Variants in CCDC178 observed in about 807,000 individuals in gnomAD.
The protein encoded by CCDC178 is coiled-coil domain-containing protein 178.
A neutral mutation model predicts 117.4 loss-of-function variants in CCDC178; 126 were observed. The ratio of observed to expected loss-of-function variants is 1.07; its 90% CI spans 0.93 to 1.24. The LOEUF (loss-of-function observed/expected upper bound fraction) is 1.24. CCDC178 is among the 50% of genes most tolerant of loss of function. The probability of loss-of-function intolerance (pLI) is 0.00; values close to 1 mark genes in which losing one functional copy is unlikely to be tolerated. For synonymous variants in CCDC178, 283 were observed against 313.4 expected (o/e 0.90, Z 1.02); for missense variants, 1,030 against 986.9 (o/e 1.04, Z -0.59).
chr18:33,397,630 A>G (rs2063656794), intron 3 of CCDC178, among the ~76,000 whole-genome samples: 1 of 152,182 alleles, frequency 6.6e-6, no homozygotes, highest in Non-Finnish European at 1.5e-5. Flanking sequence ...GTTTATTGAA[A>G]AAATACAATA....
At chr18:33,357,787 C>T (rs1464711193) in intron 6 of CCDC178, among the ~76,000 whole-genome samples, 1 of 151,528 alleles carries the variant, frequency 6.6e-6, no homozygotes, top group Non-Finnish European at 1.5e-5. Context: ...CCATATCCTA[C>T]CAAAATCTGA....
At chr18:32,952,526 C>T (rs114964013) in intron 22 of CCDC178, among the ~76,000 whole-genome samples, 133 of 152,264 alleles carry the variant, frequency 8.7e-4, no homozygotes, top group African/African-American at 3.0e-3. Context: ...TTCTATGTGG[C>T]CACATAGAAC....
chr18:33,267,245 T>C lies in CCDC178; in HGVS notation c.1229A>G (p.His410Arg). 1 of 1,605,468 alleles carries C rather than the reference T, an allele frequency of 6.2e-7. No homozygotes were observed. Among genetic ancestry groups the C allele is most frequent in the South Asian group, 1.1e-5 (1 of 89,254 alleles). The change falls in exon 13 of 23, where the codon CAT becomes CGT. Residue 410 changes from histidine (H) to arginine (R), a missense_variant. By Grantham distance (29) the His-to-Arg change is conservative. Coordinates refer to ENST00000383096, the MANE Select transcript of CCDC178 (RefSeq NM_001105528.4). ...YDQLTWKQKS[H>R]ENQYLEAVND... ...AACTGCTTCCAGATACTGATTTTCA[T>C]GACTTTTTTGCTTCCAGGTTAGTTG...
intron 2 of CCDC178, among the ~76,000 whole-genome samples, chr18:33,425,551 A>C (rs1281354513): frequency 6.6e-6 from 1 of 152,180 alleles, no homozygotes; most frequent in African/African-American, 2.4e-5. Context: ...CACCAAAGAG[A>C]AGCTGACTCT....
intron 20 of CCDC178, among the ~76,000 whole-genome samples, chr18:33,195,474 C>T (rs1478315498): frequency 6.6e-6 from 1 of 152,106 alleles, no homozygotes; most frequent in African/African-American, 2.4e-5. Context: ...CAAAAACAAC[C>T]TACGAACCTT....
At chr18:33,361,366 A>G (rs1024750813) in intron 6 of CCDC178, among the ~76,000 whole-genome samples, 5 of 151,806 alleles carry the variant, frequency 3.3e-5, no homozygotes, top group Non-Finnish European at 7.4e-5. Context: ...CCTAAATTTA[A>G]GATCAGAAGC....
intron 15 of CCDC178, among the ~76,000 whole-genome samples, chr18:33,243,795 G>T (rs1057277256): frequency 6.6e-6 from 1 of 151,792 alleles, no homozygotes; most frequent in African/African-American, 2.4e-5. Context: ...CAAAGGTTTC[G>T]AGTCAATTAG....
chr18:33,414,972 A>G (rs915005674), intron 2 of CCDC178, among the ~76,000 whole-genome samples: 4 of 152,242 alleles, frequency 2.6e-5, no homozygotes, highest in African/African-American at 9.6e-5. Flanking sequence ...ACTGGCCATC[A>G]GAGAAATGCA....
At chr18:33,394,430 A>T (rs1208066879) in intron 4 of CCDC178, among the ~76,000 whole-genome samples, 4 of 152,012 alleles carry the variant, frequency 2.6e-5, no homozygotes, top group Non-Finnish European at 4.4e-5. Flanking sequence ...CTTTGTGTCT[A>T]GTTCCAGTCT....
chr18:33,277,249 A>C (rs1232166863), intron 12 of CCDC178, among the ~76,000 whole-genome samples: 1 of 152,150 alleles, frequency 6.6e-6, no homozygotes, highest in East Asian at 1.9e-4. Flanking sequence ...AAAATTAGTA[A>C]ATTAGTGCAG....
intron 11 of CCDC178, among the ~76,000 whole-genome samples, chr18:33,297,751 G>A (rs1168003949): frequency 6.6e-6 from 1 of 152,034 alleles, no homozygotes; most frequent in African/African-American, 2.4e-5. Context: ...CTTTAAAGAA[G>A]AAACAACTGG....
At chr18:33,189,944 C>T (rs1259349585) in intron 20 of CCDC178, among the ~76,000 whole-genome samples, 8 of 152,120 alleles carry the variant, frequency 5.3e-5, no homozygotes, top group South Asian at 2.1e-4. Flanking sequence ...CAGATAGATA[C>T]GGAGATACCC....
intron 20 of CCDC178, among the ~76,000 whole-genome samples, chr18:33,186,274 G>A (rs1024983474): frequency 1.3e-5 from 2 of 151,924 alleles, no homozygotes; most frequent in African/African-American, 4.8e-5. Flanking sequence ...CCTTACATGA[G>A]TAAAAGAGTG....
intron 6 of CCDC178, among the ~76,000 whole-genome samples, chr18:33,368,993 A>C (rs1401904891): frequency 1.3e-5 from 2 of 151,908 alleles, no homozygotes; most frequent in Non-Finnish European, 2.9e-5. Context: ...AACTCATAGG[A>C]AGTATATAGC....
intron 5 of CCDC178, among the ~76,000 whole-genome samples, chr18:33,374,350 T>A (rs118059366): frequency 6.6e-6 from 1 of 152,110 alleles, no homozygotes; most frequent in Middle Eastern, 3.2e-3. Context: ...AAAGACAATA[T>A]ACAAATGACT....
chr18:33,328,782 T>G (rs775899205), intron 10 of CCDC178, among the ~76,000 whole-genome samples: 3 of 152,204 alleles, frequency 2.0e-5, no homozygotes, highest in African/African-American at 7.2e-5. Flanking sequence ...TTTTGCTATC[T>G]GGGGTTCCTT....
At chr18:33,104,899 T>C (rs1202999020) in intron 20 of CCDC178, among the ~76,000 whole-genome samples, 1 of 151,732 alleles carries the variant, frequency 6.6e-6, no homozygotes, top group Non-Finnish European at 1.5e-5. Flanking sequence ...TAGGGAAGTG[T>C]AAGTGTGCCA....
chr18:33,291,646 T>C (rs2060167126), intron 12 of CCDC178, among the ~76,000 whole-genome samples: 1 of 152,098 alleles, frequency 6.6e-6, no homozygotes, highest in African/African-American at 2.4e-5. Flanking sequence ...GTGAATGAGA[T>C]ATGGCAGAAA....
chr18:33,247,312 C>T (rs548222826), intron 14 of CCDC178, among the ~76,000 whole-genome samples: 55 of 151,612 alleles, frequency 3.6e-4, no homozygotes, highest in Non-Finnish European at 5.0e-4. Flanking sequence ...ATTTAAAATG[C>T]TCAAAGATCT....
Sources: gnomAD v4.1 joint callset for allele counts (sites outside exome capture counted in the v4.1 genomes callset) on GRCh38, gnomAD v4.1.1 for gene constraint, MANE v1.5 for transcripts, NCBI Gene and HGNC (gene_info 2026-07-23, HGNC 2026-07-21) for gene names.